The following PIK3C3 variants were observed in gnomAD, a reference collection of about 807,000 sequenced individuals.
PIK3C3 encodes phosphatidylinositol 3-kinase catalytic subunit type 3.
PIK3C3 carries 95 observed loss-of-function variants against 126.1 expected under a neutral mutation model. That is an observed-to-expected ratio of 0.75 (90% CI 0.64 to 0.89). The LOEUF (loss-of-function observed/expected upper bound fraction) is 0.89, where lower values mean the gene tolerates loss of function less well. Among genes scored for constraint, PIK3C3 ranks in the 40% least tolerant of loss-of-function variants. The pLI is 0.00. For synonymous variants in PIK3C3, 374 were observed against 360.0 expected, an observed-to-expected ratio of 1.04 and a Z score of -0.44; for missense variants, 829 against 1,063.2, an observed-to-expected ratio of 0.78 and a Z score of 3.06.
At chr18:42,074,971 G>T (rs1445216009) in intron 24 of PIK3C3, among the ~76,000 whole-genome samples, 1 of 152,092 alleles carries the variant, frequency 6.6e-6, no homozygotes, top group Non-Finnish European at 1.5e-5. Flanking sequence ...TACTCAAATA[G>T]CCATGTACAA....
chr18:42,057,884 C>A lies in PIK3C3; in HGVS notation c.2265C>A (p.Gly755=), dbSNP rs138738233. Residue 755 remains glycine, a splice_region_variant and synonymous_variant, in exon 22 of 25, where the codon GGC becomes GGA. Transcript: ENST00000262039. ...HLDNLLLTKT[G]KLFHIDFGYI... is the part of the protein sequence containing the mutation. ...AATGAGTTTCTTGTCAACATCCAGGCAAACTCTTCCACATAGACTTTGGAT... is the reference window on the plus strand; with the variant it reads ...AATGAGTTTCTTGTCAACATCCAGGAAAACTCTTCCACATAGACTTTGGAT... The A allele has an allele frequency of 1.1e-4, 185 of 1,613,216 alleles. No individual in the cohort carries two copies. In the African/African-American group the frequency reaches 2.3e-3, roughly 20 times the overall value.
chr18:42,084,962 A>T lies in PIK3C3; in HGVS notation c.*3825A>T, dbSNP rs1986368741. On this transcript the variant is annotated 3_prime_UTR_variant, in exon 25 of 25. Coordinates refer to ENST00000262039, the MANE Select transcript of PIK3C3 (RefSeq NM_002647.4). ...CAGGGAACAGGGGCCAGGGCTGGGA[A>T]GGCATAAGAACAGAAGATAAATTTG... The T allele has an allele frequency of 6.6e-6, 1 of 152,294 alleles. No individual in the cohort carries two copies. Among genetic ancestry groups the T allele is most frequent in the African/African-American group, 2.4e-5 (1 of 41,456 alleles). 9.4% of individuals were successfully genotyped at this position (152,294 alleles called of 1,614,324 possible). A position where few individuals can be genotyped will look rare whatever the true frequency, so the allele number is the denominator to read the frequency against.
At chr18:42,038,736 A>C (rs201832286) in intron 17 of PIK3C3, 45 bp from the exon 18 acceptor site, 67 of 1,203,856 alleles carry the variant, frequency 5.6e-5, no homozygotes, top group Middle Eastern at 2.1e-4. Context: ...CTGTCTTTTA[A>C]CAGTCTTTAC....
chr18:42,025,833 C>T (rs1983541867), intron 13 of PIK3C3: 1 of 152,092 alleles, frequency 6.6e-6, no homozygotes, highest in African/African-American at 2.4e-5. Context: ...GTAGCTAAAT[C>T]CACAAGAGTG....
Position 41,990,497 on chromosome 18 carries a change from T to G in PIK3C3, c.657T>G (p.Val219=). 6.2e-7 allele frequency: 1 copy of G among 1,603,144 alleles called. No homozygotes were observed. The highest frequency in any genetic ancestry group is 8.5e-7 in the Non-Finnish European group (1 of 1,170,624). The part of the protein sequence containing the change: ...KRSSNFMYLM[V]EFRCVKCDDK... ...GTTCTAATTTCATGTACCTGATGGT[T>G]GAATTTCGATGTGTCAAGTGTGATG... Residue 219 remains valine (V), a synonymous_variant, in exon 6 of 25, where the codon GTT becomes GTG. Transcript: ENST00000262039.
chr18:41,985,266 G>A (rs1427396336), intron 4 of PIK3C3, among the ~76,000 whole-genome samples: 4 of 152,140 alleles, frequency 2.6e-5, no homozygotes, highest in South Asian at 4.1e-4. Context: ...AATGAATGTC[G>A]TTTTAGGCCA....
chr18:42,079,515 G>C (rs1362309239), intron 24 of PIK3C3, among the ~76,000 whole-genome samples: 2 of 152,110 alleles, frequency 1.3e-5, no homozygotes, highest in Non-Finnish European at 1.5e-5. Context: ...GTGAACATAA[G>C]CTGTTGGAAA....
intron 21 of PIK3C3, among the ~76,000 whole-genome samples, chr18:42,056,528 C>G (rs1985073038): frequency 6.6e-6 from 1 of 152,006 alleles, no homozygotes; most frequent in Non-Finnish European, 1.5e-5. Flanking sequence ...ATATTGGTAA[C>G]AAAACATTAT....
rs1045177250 is a variant in PIK3C3, at chr18:42,067,404, G to A, written c.2540G>A (p.Arg847His). Residue 847 changes from arginine (R) to histidine (H), a missense_variant, in exon 24 of 25, where the codon CGC becomes CAC. Transcript: ENST00000262039. Reference protein sequence around the residue: ...KTVKKVQDKFRLDLSDEEAVH... With the variant: ...KTVKKVQDKFHLDLSDEEAVH... The stretch of plus-strand genomic sequence containing the variant: ...ATCTTATAGGTTCAGGATAAATTCC[G>A]CTTAGACCTGTCGGATGAAGAGGCT... The A allele has an allele frequency of 1.9e-6, 3 of 1,613,922 alleles. No individual in the cohort carries two copies. The highest frequency in any genetic ancestry group is 2.5e-6 in the Non-Finnish European group (3 of 1,179,850).
chr18:42,054,266 A>C (rs1316251661), intron 21 of PIK3C3, among the ~76,000 whole-genome samples: 2 of 147,070 alleles, frequency 1.4e-5, no homozygotes, highest in Admixed American at 1.4e-4. Flanking sequence ...CTGAGGAGCA[A>C]GGAGAGCCAG....
At chr18:41,958,564 G>A (rs1979910914) in intron 2 of PIK3C3, among the ~76,000 whole-genome samples, 1 of 152,148 alleles carries the variant, frequency 6.6e-6, no homozygotes, top group Admixed American at 6.5e-5. Context: ...AACAGCAGAA[G>A]CCTGAACTCT....
At chr18:42,024,037 G>T (rs978728483) in intron 13 of PIK3C3, among the ~76,000 whole-genome samples, 5 of 152,134 alleles carry the variant, frequency 3.3e-5, no homozygotes, top group African/African-American at 1.2e-4. Context: ...ATAAATTGTT[G>T]CAGTTTTTTA....
At chr18:42,052,229 TAC>T (rs974366758) in intron 21 of PIK3C3, among the ~76,000 whole-genome samples, 1 of 152,096 alleles carries the variant, frequency 6.6e-6, no homozygotes, top group Non-Finnish European at 1.5e-5. Context: ...ATCTGCGTAA[TAC>T]ACTTTTTTGG....
chr18:42,027,402 T>C (rs1396130946), intron 13 of PIK3C3, 41 bp from the exon 14 acceptor site: 2 of 1,166,862 alleles, frequency 1.7e-6, no homozygotes, highest in Middle Eastern at 2.0e-4. Flanking sequence ...TGAATCTAAG[T>C]TTCATTTCAC....
intron 4 of PIK3C3, among the ~76,000 whole-genome samples, chr18:41,986,535 G>A (rs1231879673): frequency 2.0e-5 from 3 of 152,006 alleles, no homozygotes; most frequent in African/African-American, 7.2e-5. Flanking sequence ...GGTTCAGAAA[G>A]GACATAGTTT....
chr18:42,010,352 C>G (rs1461794623), intron 10 of PIK3C3, among the ~76,000 whole-genome samples: 6 of 152,202 alleles, frequency 3.9e-5, no homozygotes, highest in Non-Finnish European at 5.9e-5. Context: ...TCTGCATTTA[C>G]TTCCTCCACT....
At chr18:42,075,616 G>A (rs1306673004) in intron 24 of PIK3C3, among the ~76,000 whole-genome samples, 1 of 151,472 alleles carries the variant, frequency 6.6e-6, no homozygotes, top group African/African-American at 2.4e-5. Context: ...GTTAATAGAT[G>A]ACAAAGCCCA....
chr18:42,070,041 G>A (rs967064337), intron 24 of PIK3C3, among the ~76,000 whole-genome samples: 1 of 152,280 alleles, frequency 6.6e-6, no homozygotes, highest in East Asian at 1.9e-4. Context: ...TGGAGGTCCA[G>A]CAAAGCTTCA....
intron 24 of PIK3C3, among the ~76,000 whole-genome samples, chr18:42,076,751 AT>A (rs1218009013): frequency 6.6e-6 from 1 of 152,158 alleles, no homozygotes; most frequent in East Asian, 1.9e-4. Context: ...TACAAATTTA[AT>A]TTTCTTATCT....
Sources: allele counts gnomAD v4.1 joint callset (sites outside exome capture counted in the v4.1 genomes callset), GRCh38; gene constraint gnomAD v4.1.1; transcripts MANE v1.5; gene names NCBI Gene and HGNC (gene_info 2026-07-23, HGNC 2026-07-21).